Variants in MYO16 observed in about 807,000 individuals in gnomAD.
MYO16 encodes unconventional myosin-XVI.
In MYO16, 94 loss-of-function variants were observed where a neutral mutation model predicts 205.3. The observed-to-expected ratio is 0.46, with a 90% CI of 0.39 to 0.54. The LOEUF is 0.54. MYO16 is among the 20% of genes least tolerant of loss of function. The pLI is 0.00. For missense variants in MYO16, 2,315 were observed against 2,387.5 expected, an observed-to-expected ratio of 0.97 and a Z score of 0.63; for synonymous variants, 988 against 954.0, an observed-to-expected ratio of 1.04 and a Z score of -0.66.
At chr13:109,015,546 C>A (rs2139501330) in intron 22 of MYO16, among the ~76,000 whole-genome samples, 1 of 152,254 alleles carries the variant, frequency 6.6e-6, no homozygotes, top group South Asian at 2.1e-4. Context: ...GGTACCAGCT[C>A]CTCTCTGTAC....
At chr13:108,965,877 C>T (rs957413381) in intron 20 of MYO16, among the ~76,000 whole-genome samples, 7 of 152,246 alleles carry the variant, frequency 4.6e-5, no homozygotes, top group African/African-American at 7.2e-5. Context: ...TACTTGTCTT[C>T]GAATGAAACC....
At position 108,823,427 on chromosome 13, in the gene MYO16, A is replaced by G. The variant is rs76425186; in HGVS notation, c.1097+149A>G. 1.5e-3 allele frequency: 883 copies of G among 605,030 alleles called. 8 individuals carry two copies. The African/African-American group carries it at 0.015, about 10-fold the overall frequency. The allele number at this position is 605,030 out of a possible 1,614,324, so 37.5% of individuals were successfully genotyped here. A position where few individuals can be genotyped will look rare whatever the true frequency, so the allele number is the denominator to read the frequency against. The stretch of plus-strand genomic sequence containing the variant: ...TACCAAAGAATACTTGTTTACAGTG[A>G]TGAGTTAAACATAATTTTATTTTAT... On this transcript the variant is annotated intron_variant, in intron 9 of 34. Coordinates refer to ENST00000457511, the MANE Select transcript of MYO16 (RefSeq NM_001198950.3).
chr13:109,172,530 A>G (rs919508151), intron 33 of MYO16, among the ~76,000 whole-genome samples: 7 of 152,176 alleles, frequency 4.6e-5, no homozygotes, highest in African/African-American at 1.4e-4. Flanking sequence ...TTGCAGTGGA[A>G]TAGTGTTCCC....
chr13:108,625,507 G>A (rs528863653), upstream of MYO16, among the ~76,000 whole-genome samples: 114 of 152,264 alleles, frequency 7.5e-4, no homozygotes, highest in East Asian at 2.7e-3. Flanking sequence ...TTATTAGACC[G>A]GAGTTATGTT....
chr13:108,961,786 G>C (rs540545740), intron 18 of MYO16, 130 bp downstream of exon 18: 25 of 685,582 alleles, frequency 3.6e-5, no homozygotes, highest in Middle Eastern at 2.7e-4. Context: ...AATTCAGTGA[G>C]GGGGGGAAAT....
chr13:109,049,418 G>A (rs895502082), intron 24 of MYO16, among the ~76,000 whole-genome samples: 7 of 152,262 alleles, frequency 4.6e-5, no homozygotes, highest in African/African-American at 1.4e-4. Context: ...GGCCCAAAGC[G>A]TGATGGCATC....
intron 7 of MYO16, among the ~76,000 whole-genome samples, chr13:108,813,539 C>A (rs1029729450): frequency 2.6e-5 from 4 of 152,142 alleles, no homozygotes; most frequent in Admixed American, 2.6e-4. Context: ...CTTTCACTCT[C>A]AAGAAATTAA....
chr13:109,140,665 G>T lies in MYO16; in HGVS notation c.4453G>T (p.Ala1485Ser). ...CGCATCGCCGCCCCTGCTCCACCGC[G>T]CGCCGGAGGACGAGGCGGCGGGGCC... The part of the protein sequence containing the change: ...HGASPPLLHR[A>S]PEDEAAGPPG... Residue 1485 changes from alanine to serine, a missense_variant, in exon 32 of 35, where the codon GCG becomes TCG. This residue lies in a region of MYO16 where 1,097 missense variants were observed against 1,092.0 expected (regional missense o/e 1.00). Transcript: ENST00000457511. This position sits in a 1 kb window ranked among gnomAD's most constrained non-coding sequence, Gnocchi z 8.0. 1 of 1,490,796 alleles carries T rather than the reference G, an allele frequency of 6.7e-7. No individual in the cohort carries two copies. 92.3% of individuals were successfully genotyped at this position (1,490,796 alleles called of 1,614,324 possible).
intron 9 of MYO16, among the ~76,000 whole-genome samples, chr13:108,833,401 A>G (rs1420346163): frequency 6.6e-6 from 1 of 152,178 alleles, no homozygotes; most frequent in East Asian, 1.9e-4. Context: ...CAAAAATGTA[A>G]TTGAATTTTC....
At chr13:108,760,714 A>T (rs1885576951) in intron 4 of MYO16, among the ~76,000 whole-genome samples, 1 of 152,222 alleles carries the variant, frequency 6.6e-6, no homozygotes, top group Non-Finnish European at 1.5e-5. Flanking sequence ...GGAGGCAGAC[A>T]GTAGATTGGT....
At chr13:109,014,707 G>C (rs1885742410) in intron 22 of MYO16, among the ~76,000 whole-genome samples, 1 of 152,110 alleles carries the variant, frequency 6.6e-6, no homozygotes, top group South Asian at 2.1e-4. Flanking sequence ...GGATTCCTAG[G>C]TATTTTATTC....
chr13:108,888,505 A>G (rs748192521), intron 14 of MYO16, 28 bp downstream of exon 14: 2 of 1,503,264 alleles, frequency 1.3e-6, no homozygotes, highest in East Asian at 4.6e-5. Flanking sequence ...GTTGGCAAAT[A>G]TGTGAATGAA....
intron 21 of MYO16, among the ~76,000 whole-genome samples, chr13:109,004,843 G>C (rs1885338206): frequency 6.6e-6 from 1 of 152,106 alleles, no homozygotes; most frequent in South Asian, 2.1e-4. Context: ...AGAATTTGTT[G>C]GTCTGTGTCC....
rs1445064089 is a variant in MYO16, at chr13:108,961,667, C to CATG, written c.2155+13_2155+15dup. 1.9e-6 allele frequency: 3 copies of CATG among 1,576,772 alleles called. No individual in the cohort carries two copies. The highest frequency in any genetic ancestry group is 2.6e-6 in the Non-Finnish European group (3 of 1,146,000). On this transcript the variant is annotated intron_variant, in intron 18 of 34. Transcript: ENST00000457511. ...AGCTCCTGGAACAAGGTCAGTGGAA[C>CATG]ATGACCTTCTGACATTAACCACATT...
At chr13:108,526,723 A>G in the MYO16 span, among the ~76,000 whole-genome samples, 21 of 152,308 alleles carry the variant, frequency 1.4e-4, no homozygotes, top group African/African-American at 4.6e-4. Context: ...ACCAAATTTG[A>G]ACTTTTGTCA....
chr13:108,677,313 A>ATGTGTG (rs769838012), intron 2 of MYO16, among the ~76,000 whole-genome samples: 9 of 140,746 alleles, frequency 6.4e-5, no homozygotes, highest in African/African-American at 1.9e-4. Flanking sequence ...GTGCACATGC[A>ATGTGTG]TGTGTGTGTG....
chr13:108,548,872 C>T, the MYO16 span, among the ~76,000 whole-genome samples: 1 of 152,072 alleles, frequency 6.6e-6, no homozygotes, highest in Non-Finnish European at 1.5e-5. Flanking sequence ...TCAATGAATG[C>T]CAACACAGAC....
chr13:108,874,685 T>TTCA (rs375128929), intron 12 of MYO16, among the ~76,000 whole-genome samples: 24,579 of 125,616 alleles, frequency 0.2, 2,279 homozygotes, highest in Middle Eastern at 0.26. Context: ...GGCAGACAGT[T>TTCA]TCATCATCAT....
intron 1 of MYO16, among the ~76,000 whole-genome samples, chr13:108,617,885 C>A (rs2139329655): frequency 6.6e-6 from 1 of 152,238 alleles, no homozygotes; most frequent in South Asian, 2.1e-4. Context: ...TACACCATCC[C>A]CTTCCTTTTC....
Sources: gnomAD v4.1 joint callset for allele counts (sites outside exome capture counted in the v4.1 genomes callset) on GRCh38, gnomAD v4.1.1 for gene constraint, gnomAD v4.1.1 regional missense constraint, Gnocchi (gnomAD v3.1) non-coding constraint, MANE v1.5 for transcripts, NCBI Gene and HGNC (gene_info 2026-07-23, HGNC 2026-07-21) for gene names.